SUCLG2: variants seen among roughly 807,000 people sequenced by gnomAD.
SUCLG2 encodes succinate--CoA ligase [GDP-forming] subunit beta, mitochondrial.
A neutral mutation model predicts 47.9 loss-of-function variants in SUCLG2; 42 were observed. The observed-to-expected ratio is 0.88, with a 90% CI of 0.69 to 1.14. The LOEUF (loss-of-function observed/expected upper bound fraction) is 1.14, where lower values mean the gene tolerates loss of function less well. SUCLG2 is among the 50% of genes most tolerant of loss of function. The pLI, the probability that SUCLG2 is intolerant of heterozygous loss-of-function variation, is 0.00. For synonymous variants in SUCLG2, 195 were observed against 197.3 expected, an observed-to-expected ratio of 0.99 and a Z score of 0.10; for missense variants, 571 against 525.9, an observed-to-expected ratio of 1.09 and a Z score of -0.84.
At chr3:67,589,793 G>T (rs1383690235) in intron 2 of SUCLG2, among the ~76,000 whole-genome samples, 1 of 152,188 alleles carries the variant, frequency 6.6e-6, no homozygotes, top group Non-Finnish European at 1.5e-5. Context: ...GCTGGGGGCG[G>T]AAAGAGGAAC....
At chr3:67,364,585 G>GA (rs1367696876) in intron 10 of SUCLG2, among the ~76,000 whole-genome samples, 1 of 152,212 alleles carries the variant, frequency 6.6e-6, no homozygotes. Flanking sequence ...ACCCAGGAGT[G>GA]ATAAGGAGCC....
rs1395773672 is a variant in SUCLG2 at position 67,375,402 on chromosome 3, T to A, written c.*342A>T. The A allele has an allele frequency of 4.0e-6, 4 of 999,486 alleles. No homozygotes were observed. Among genetic ancestry groups the A allele is most frequent in the Non-Finnish European group, 4.8e-6 (4 of 839,528 alleles). The allele number at this position is 999,486 out of a possible 1,614,324, so 61.9% of individuals were successfully genotyped here. On this transcript the variant is annotated 3_prime_UTR_variant, in exon 11 of 11. Transcript: ENST00000307227. The stretch of plus-strand genomic sequence containing the variant: ...ATGTAGGATTAGATGCCCACCAAAA[T>A]TCTTGTAAATGAAGCAGGACTTGAT...
chr3:67,398,336 C>G (rs542333124), intron 10 of SUCLG2, among the ~76,000 whole-genome samples: 4 of 150,926 alleles, frequency 2.7e-5, no homozygotes, highest in Non-Finnish European at 1.5e-5. Context: ...AAAAAACAAA[C>G]AACCCCATCA....
intron 9 of SUCLG2, among the ~76,000 whole-genome samples, chr3:67,475,256 C>G (rs1054475440): frequency 6.6e-6 from 1 of 152,122 alleles, no homozygotes; most frequent in African/African-American, 2.4e-5. Flanking sequence ...TAAACCCTAC[C>G]TAACTGAAAC....
intron 1 of SUCLG2, among the ~76,000 whole-genome samples, chr3:67,643,781 A>G (rs943273473): frequency 1.3e-5 from 2 of 152,180 alleles, no homozygotes; most frequent in Non-Finnish European, 2.9e-5. Context: ...GGTTCAACTG[A>G]TTCTCCTGAC....
chr3:67,467,835 T>A (rs537910327), intron 9 of SUCLG2, among the ~76,000 whole-genome samples: 2 of 152,228 alleles, frequency 1.3e-5, no homozygotes, highest in East Asian at 3.9e-4. Flanking sequence ...TTAACTCACT[T>A]GGGAAAGTCA....
chr3:67,440,028 C>G (rs1056910427), intron 9 of SUCLG2, among the ~76,000 whole-genome samples: 2 of 152,148 alleles, frequency 1.3e-5, no homozygotes, highest in Non-Finnish European at 2.9e-5. Flanking sequence ...AGTACCAAAA[C>G]AGATATATAG....
intron 9 of SUCLG2, among the ~76,000 whole-genome samples, chr3:67,403,474 C>T (rs543423473): frequency 6.6e-6 from 1 of 152,186 alleles, no homozygotes; most frequent in Non-Finnish European, 1.5e-5. Flanking sequence ...TCCCTTGTAC[C>T]AGGTACAGAA....
intron 1 of SUCLG2, among the ~76,000 whole-genome samples, chr3:67,638,042 T>C (rs1701038122): frequency 6.6e-6 from 1 of 152,232 alleles, no homozygotes; most frequent in Non-Finnish European, 1.5e-5. Flanking sequence ...TAAGTATTTT[T>C]TCAGTATTTT....
chr3:67,635,964 C>G (rs913930235), intron 1 of SUCLG2, among the ~76,000 whole-genome samples: 1 of 152,184 alleles, frequency 6.6e-6, no homozygotes, highest in African/African-American at 2.4e-5. Flanking sequence ...AAAGCCCAGT[C>G]TGTTAAGAGC....
At chr3:67,491,592 C>T (rs865850584) in intron 9 of SUCLG2, among the ~76,000 whole-genome samples, 3 of 151,872 alleles carry the variant, frequency 2.0e-5, no homozygotes, top group Non-Finnish European at 2.9e-5. Context: ...CTTGAAATCC[C>T]GACCTTCTGC....
intron 9 of SUCLG2, among the ~76,000 whole-genome samples, chr3:67,480,369 G>A (rs1704881470): frequency 6.6e-6 from 1 of 152,182 alleles, no homozygotes; most frequent in African/African-American, 2.4e-5. Context: ...AGATTCCGGG[G>A]CCTCATCCCA....
At chr3:67,489,111 T>C (rs964501193) in intron 9 of SUCLG2, among the ~76,000 whole-genome samples, 1 of 152,158 alleles carries the variant, frequency 6.6e-6, no homozygotes, top group African/African-American at 2.4e-5. Flanking sequence ...AGCTAGCAGA[T>C]ACACCGATCA....
Position 67,513,596 on chromosome 3 carries a change from C to T in SUCLG2, c.660+4651G>A, listed in dbSNP as rs768585378. On this transcript the variant is annotated intron_variant, in intron 6 of 10. Transcript: ENST00000307227. ...TGTGACCAGGTGTAACAGGGAATGG[C>T]ATGGCATGTGGCAAGTTGAGATTAG... Among the ~76,000 whole-genome samples, 2 of 152,154 alleles carry T rather than the reference C, an allele frequency of 1.3e-5. 1 individual carries two copies. Among genetic ancestry groups the T allele is most frequent in the South Asian group, 4.1e-4 (2 of 4,832 alleles).
At chr3:67,393,725 T>C (rs1402271173) in intron 10 of SUCLG2, among the ~76,000 whole-genome samples, 1 of 152,210 alleles carries the variant, frequency 6.6e-6, no homozygotes, top group Non-Finnish European at 1.5e-5. Flanking sequence ...CCTCCTCAAG[T>C]GGGTCCCTGA....
intron 9 of SUCLG2, among the ~76,000 whole-genome samples, chr3:67,441,103 A>G (rs1450656611): frequency 6.6e-6 from 1 of 152,152 alleles, no homozygotes; most frequent in African/African-American, 2.4e-5. Context: ...GGAAACCATC[A>G]TTCTCAGCAA....
intron 8 of SUCLG2, among the ~76,000 whole-genome samples, chr3:67,497,329 G>A (rs2107064817): frequency 6.6e-6 from 1 of 152,232 alleles, no homozygotes; most frequent in East Asian, 1.9e-4. Flanking sequence ...TCAGTTTCCA[G>A]TACAATGAAT....
downstream of SUCLG2, chr3:67,374,703 G>T: frequency 1.2e-6 from 1 of 852,278 alleles, no homozygotes; most frequent in Non-Finnish European, 1.4e-6. Context: ...AGTAAAATGA[G>T]AGATACACAC....
chr3:67,625,930 GA>G (rs2107343144), intron 1 of SUCLG2, among the ~76,000 whole-genome samples: 1 of 152,138 alleles, frequency 6.6e-6, no homozygotes, highest in East Asian at 1.9e-4. Context: ...ATGGTAAGCA[GA>G]TAAGAACTAG....
Sources: gnomAD v4.1 joint callset for allele counts (sites outside exome capture counted in the v4.1 genomes callset) on GRCh38, gnomAD v4.1.1 for gene constraint, MANE v1.5 for transcripts, NCBI Gene and HGNC (gene_info 2026-07-23, HGNC 2026-07-21) for gene names.